Variants in DPP10 observed in about 807,000 individuals in gnomAD.
The protein encoded by DPP10 is inactive dipeptidyl peptidase 10.
DPP10 carries 33 observed loss-of-function variants against 120.9 expected under a neutral mutation model. The ratio of observed to expected loss-of-function variants is 0.27; its 90% CI spans 0.21 to 0.37. The LOEUF (loss-of-function observed/expected upper bound fraction) is 0.37, where lower values mean the gene tolerates loss of function less well. Among genes scored for constraint, DPP10 ranks in the 10% least tolerant of loss-of-function variants. DPP10 has a pLI of 1.00. For missense variants in DPP10, 816 were observed against 942.8 expected (o/e 0.87, Z 1.76); for synonymous variants, 337 against 326.1 (o/e 1.03, Z -0.36).
intron 5 of DPP10, among the ~76,000 whole-genome samples, chr2:115,655,824 TA>T (rs34180588): frequency 0.061 from 9,249 of 151,588 alleles, 952 homozygotes; most frequent in African/African-American, 0.21. Flanking sequence ...AGCTCTCAAA[TA>T]AATACAAATA....
intron 1 of DPP10, among the ~76,000 whole-genome samples, chr2:115,157,350 T>C (rs2051990575): frequency 6.6e-6 from 1 of 151,790 alleles, no homozygotes; most frequent in Non-Finnish European, 1.5e-5. Flanking sequence ...ACTCTCAGGA[T>C]ATTGCAACTC....
At chr2:114,740,514 A>T (rs1433306571) in intron 1 of DPP10, among the ~76,000 whole-genome samples, 2 of 151,952 alleles carry the variant, frequency 1.3e-5, no homozygotes, top group African/African-American at 4.8e-5. Flanking sequence ...ATAATAAAAT[A>T]AAAATTAAAA....
chr2:114,591,965 G>A (rs1420692523), intron 1 of DPP10, among the ~76,000 whole-genome samples: 1 of 152,130 alleles, frequency 6.6e-6, no homozygotes, highest in African/African-American at 2.4e-5. Context: ...GATGTTATTA[G>A]GAAAAGTGAT....
intron 1 of DPP10, among the ~76,000 whole-genome samples, chr2:115,117,882 C>G (rs1391792419): frequency 6.6e-6 from 1 of 152,180 alleles, no homozygotes; most frequent in Non-Finnish European, 1.5e-5. Flanking sequence ...TTGCCTCAGA[C>G]ACCTTCAGAG....
intron 1 of DPP10, among the ~76,000 whole-genome samples, chr2:115,027,623 T>C (rs773160969): frequency 6.6e-6 from 1 of 152,184 alleles, no homozygotes. Context: ...CTGGTTTTGG[T>C]ATCTCAGTAA....
intron 5 of DPP10, among the ~76,000 whole-genome samples, chr2:115,533,217 T>C (rs1166279355): frequency 1.3e-5 from 2 of 152,088 alleles, no homozygotes; most frequent in African/African-American, 4.8e-5. Context: ...CCTCTATACA[T>C]AATGGGACAT....
intron 3 of DPP10, among the ~76,000 whole-genome samples, chr2:115,400,348 A>T (rs2067979029): frequency 6.6e-6 from 1 of 152,150 alleles, no homozygotes; most frequent in Admixed American, 6.6e-5. Context: ...AACTAGAAGT[A>T]AATTGCCCTG....
chr2:115,446,435 A>G (rs550226147), intron 3 of DPP10, among the ~76,000 whole-genome samples: 1 of 152,310 alleles, frequency 6.6e-6, no homozygotes, highest in East Asian at 1.9e-4. Context: ...TAAGAATTAA[A>G]GAAAGAAGAA....
chr2:115,022,258 A>C (rs1703131002), intron 1 of DPP10, among the ~76,000 whole-genome samples: 1 of 152,162 alleles, frequency 6.6e-6, no homozygotes, highest in Admixed American at 6.6e-5. Flanking sequence ...GTATACCTAG[A>C]AAATCCTAAA....
At chr2:115,796,663 C>T (rs1326159717) in intron 19 of DPP10, among the ~76,000 whole-genome samples, 1 of 152,058 alleles carries the variant, frequency 6.6e-6, no homozygotes, top group Non-Finnish European at 1.5e-5. Flanking sequence ...TTCATGCTGT[C>T]TCTTCACTGT....
chr2:115,670,844 T>A (rs1261724469), intron 5 of DPP10, among the ~76,000 whole-genome samples: 1 of 152,132 alleles, frequency 6.6e-6, no homozygotes, highest in Non-Finnish European at 1.5e-5. Context: ...AAAAGGCATC[T>A]CCCTCTGACT....
intron 5 of DPP10, among the ~76,000 whole-genome samples, chr2:115,629,131 C>G (rs2085619657): frequency 6.6e-6 from 1 of 152,192 alleles, no homozygotes; most frequent in Non-Finnish European, 1.5e-5. Flanking sequence ...CATGTCCCTA[C>G]AGAGGACACG....
intron 5 of DPP10, among the ~76,000 whole-genome samples, chr2:115,528,265 G>A (rs912377941): frequency 9.9e-5 from 15 of 151,680 alleles, no homozygotes; most frequent in African/African-American, 3.4e-4. Context: ...TGCAAATGAC[G>A]AGTTAATGGG....
chr2:115,276,648 G>C (rs2059931798), intron 1 of DPP10, among the ~76,000 whole-genome samples: 1 of 152,176 alleles, frequency 6.6e-6, no homozygotes, highest in South Asian at 2.1e-4. Context: ...CCCCCATTTA[G>C]ACAGATTACT....
intron 1 of DPP10, among the ~76,000 whole-genome samples, chr2:114,915,651 C>T (rs1022886404): frequency 2.6e-5 from 4 of 152,136 alleles, no homozygotes; most frequent in Non-Finnish European, 5.9e-5. Flanking sequence ...ACTATTGGAT[C>T]AGAGTGCAAT....
At chr2:115,537,133 C>T (rs959509328) in intron 5 of DPP10, among the ~76,000 whole-genome samples, 1 of 152,050 alleles carries the variant, frequency 6.6e-6, no homozygotes, top group Non-Finnish European at 1.5e-5. Context: ...CAACCTTCTT[C>T]TTTAGCTTTG....
At chr2:115,797,518 A>G (rs532761851) in intron 19 of DPP10, among the ~76,000 whole-genome samples, 1 of 152,146 alleles carries the variant, frequency 6.6e-6, no homozygotes, top group African/African-American at 2.4e-5. Context: ...GTTTGTCTCA[A>G]AGAGGGATTA....
At chr2:115,764,434 A>C (rs1463606224) in intron 12 of DPP10, among the ~76,000 whole-genome samples, 3 of 151,998 alleles carry the variant, frequency 2.0e-5, no homozygotes, top group Admixed American at 1.3e-4. Flanking sequence ...TAGAAAAAAA[A>C]CCCTGATTTT....
chr2:114,797,409 A>G (rs1683809280), intron 1 of DPP10, among the ~76,000 whole-genome samples: 1 of 152,188 alleles, frequency 6.6e-6, no homozygotes. Context: ...ATCTTGGGCA[A>G]GGTGCTGAAC....
Sources: gnomAD v4.1 joint callset for allele counts (sites outside exome capture counted in the v4.1 genomes callset) on GRCh38, gnomAD v4.1.1 for gene constraint, MANE v1.5 for transcripts, NCBI Gene and HGNC (gene_info 2026-07-23, HGNC 2026-07-21) for gene names.